The following ITGAE variants were observed in gnomAD, a reference collection of about 807,000 sequenced individuals.
ITGAE encodes the protein integrin alpha-E.
A neutral mutation model predicts 136.5 loss-of-function variants in ITGAE; 99 were observed. The ratio of observed to expected loss-of-function variants is 0.73; its 90% CI spans 0.62 to 0.86. The LOEUF (loss-of-function observed/expected upper bound fraction) is 0.86. Ranked by LOEUF, ITGAE falls within the 40% of genes least tolerant of loss-of-function variation. The pLI, the probability that ITGAE is intolerant of heterozygous loss-of-function variation, is 0.00. For synonymous variants in ITGAE, 613 were observed against 591.8 expected (o/e 1.04, Z -0.52); for missense variants, 1,447 against 1,515.3 (o/e 0.95, Z 0.75).
chr17:3,734,708 G>A (rs2051422590), intron 21 of ITGAE, 109 bp downstream of exon 21: 2 of 1,346,472 alleles, frequency 1.5e-6, no homozygotes, highest in African/African-American at 1.4e-5. Context: ...GGTTGGACCA[G>A]GAGGAGGCTG....
rs368373828 is a variant in ITGAE at position 3,729,040 on chromosome 17, TA to T, written c.2912+437del. ...GACAGAGTGAGACTTCGTCTCAGTT[TA>T]AAAAAAAAAAAAAAAGGAATAAAAG... On this transcript the variant is annotated intron_variant, in intron 24 of 30. Coordinates refer to ENST00000263087, the MANE Select transcript of ITGAE (RefSeq NM_002208.5). Among the ~76,000 whole-genome samples the T allele has an allele frequency of 3.4e-3, 487 of 141,976 alleles. 1 individual carries two copies. The highest frequency in any genetic ancestry group is 3.7e-3 in the Non-Finnish European group (238 of 64,546). The allele number at this position is 141,976 out of a possible 152,430, so 93.1% of individuals were successfully genotyped here. A position where few individuals can be genotyped will look rare whatever the true frequency, so the allele number is the denominator to read the frequency against.
At chr17:3,772,650 G>C (rs1182271661) in intron 2 of ITGAE, among the ~76,000 whole-genome samples, 1 of 151,966 alleles carries the variant, frequency 6.6e-6, no homozygotes, top group African/African-American at 2.4e-5. Flanking sequence ...TTTTAGTAGG[G>C]ACAAGGCTTC....
chr17:3,714,931 A>G lies in ITGAE; in HGVS notation c.3456T>C (p.Phe1152=). 1 of 1,600,586 alleles carries G rather than the reference A, an allele frequency of 6.2e-7. No homozygotes were observed. Among genetic ancestry groups the G allele is most frequent in the Non-Finnish European group, 8.5e-7 (1 of 1,172,420 alleles). ...AGTTCAGTTGTTGATATTTTCTTTT[A>G]AAAAAGCCACACTGAAACAAAGGAA... ...ILVILFKCGF[F]KRKYQQLNLE... is the part of the protein sequence containing the mutation. Residue 1152 remains phenylalanine, a synonymous_variant, in exon 31 of 31, where the codon TTT becomes TTC. Transcript: ENST00000263087.
chr17:3,747,275 A>G (rs1419634023), intron 17 of ITGAE, among the ~76,000 whole-genome samples: 1 of 151,996 alleles, frequency 6.6e-6, no homozygotes, highest in Non-Finnish European at 1.5e-5. Flanking sequence ...GCCCCCGCAC[A>G]CACGCACACA....
intron 24 of ITGAE, 38 bp downstream of exon 24, chr17:3,729,439 AT>A (rs778197189): frequency 7.6e-7 from 1 of 1,308,530 alleles, no homozygotes; most frequent in Non-Finnish European, 1.1e-6. Flanking sequence ...CCCCTGGGCG[AT>A]GGAGTCACAC....
intron 21 of ITGAE, among the ~76,000 whole-genome samples, chr17:3,733,340 T>C (rs1193074586): frequency 6.6e-6 from 1 of 152,168 alleles, no homozygotes; most frequent in African/African-American, 2.4e-5. Context: ...TAGCCTAAGA[T>C]GACCGGGGAC....
At chr17:3,754,927 C>A (rs548117575) in intron 12 of ITGAE, among the ~76,000 whole-genome samples, 190 bp downstream of exon 12, 21 of 125,340 alleles carry the variant, frequency 1.7e-4, no homozygotes, top group Non-Finnish European at 2.6e-4. Flanking sequence ...CCCAGGTAGC[C>A]CCCAGGCCCC....
intron 1 of ITGAE, among the ~76,000 whole-genome samples, chr17:3,786,398 A>T (rs1030688411): frequency 6.6e-6 from 1 of 152,176 alleles, no homozygotes; most frequent in East Asian, 1.9e-4. Flanking sequence ...AAGAGAAATA[A>T]TGCCAAGTTT....
chr17:3,740,010 G>T (rs1402544135), intron 19 of ITGAE, 132 bp from the exon 20 acceptor site: 9 of 712,048 alleles, frequency 1.3e-5, no homozygotes, highest in South Asian at 6.1e-5. Context: ...TTACAGGGAG[G>T]TGAGGGGTGC....
intron 16 of ITGAE, among the ~76,000 whole-genome samples, chr17:3,749,802 G>A: frequency 6.6e-6 from 1 of 152,058 alleles, no homozygotes; most frequent in East Asian, 1.9e-4. Context: ...TGGATCACGA[G>A]GTCAGGAGTT....
chr17:3,770,717 G>A (rs926868234), intron 2 of ITGAE, among the ~76,000 whole-genome samples: 2 of 152,190 alleles, frequency 1.3e-5, no homozygotes, highest in African/African-American at 4.8e-5. Flanking sequence ...GCGTGTTCAA[G>A]CCTGGGAGCC....
chr17:3,743,501 A>C lies in ITGAE; in HGVS notation c.2436T>G (p.Phe812Leu). The change falls in exon 19 of 31, where the codon TTT becomes TTG. Residue 812 changes from phenylalanine (F) to leucine (L), a missense_variant. By Grantham distance (22) the Phe-to-Leu change is conservative. This residue lies in a region of ITGAE where 1,031 missense variants were observed against 1,011.4 expected (regional missense o/e 1.02). Transcript: ENST00000263087. ...TGGGTAGAGTCACCTGGAAGATGGC[A>C]AAGGGCTCAGTGTAGCGGTCCAGGA... ...QPILDRYTEP[F>L]AIFQLPYEKA... 1 of 1,596,818 alleles carries C rather than the reference A, an allele frequency of 6.3e-7. No homozygotes were observed. Among genetic ancestry groups the C allele is most frequent in the Non-Finnish European group, 8.5e-7 (1 of 1,173,762 alleles).
At chr17:3,740,226 G>A (rs2143014152) in intron 19 of ITGAE, among the ~76,000 whole-genome samples, 1 of 152,330 alleles carries the variant, frequency 6.6e-6, no homozygotes, top group South Asian at 2.1e-4. Context: ...GAGCATTCAG[G>A]GAGCAGACAC....
At chr17:3,772,398 C>CTGAA (rs34814711) in intron 2 of ITGAE, among the ~76,000 whole-genome samples, 13,760 of 151,016 alleles carry the variant, frequency 0.091, 648 homozygotes, top group East Asian at 0.17. Flanking sequence ...TCCATACTTG[C>CTGAA]TGAATGAATG....
rs909090714 is a variant in ITGAE, at chr17:3,739,955, T to C, written c.2449-77A>G. ...GCCCTGCCTCCGGCTCTTCTCCTTA[T>C]AGGAAGTTTTGGGCTGTGCCTCCTG... On this transcript the variant is annotated intron_variant, in intron 19 of 30. Transcript: ENST00000263087. The C allele has an allele frequency of 4.1e-6, 5 of 1,228,986 alleles. No homozygotes were observed. The African/African-American group carries it at 4.5e-5, about 11-fold the overall frequency. The allele number at this position is 1,228,986 out of a possible 1,614,324, so 76.1% of individuals were successfully genotyped here.
intron 2 of ITGAE, among the ~76,000 whole-genome samples, chr17:3,771,438 C>T (rs923476094): frequency 2.0e-5 from 3 of 151,994 alleles, no homozygotes; most frequent in African/African-American, 4.8e-5. Context: ...GCCTAGGCGC[C>T]GCAGCTCACG....
At chr17:3,741,950 G>A (rs1343074622) in intron 19 of ITGAE, among the ~76,000 whole-genome samples, 1 of 152,140 alleles carries the variant, frequency 6.6e-6, no homozygotes, top group African/African-American at 2.4e-5. Flanking sequence ...GGTGATACAT[G>A]CCTGTAATCC....
At chr17:3,786,610 G>A (rs540091402) in intron 1 of ITGAE, among the ~76,000 whole-genome samples, 10 of 152,000 alleles carry the variant, frequency 6.6e-5, no homozygotes, top group Admixed American at 1.3e-4. Context: ...AGCATAATAC[G>A]GCCGGGTGCA....
intron 26 of ITGAE, among the ~76,000 whole-genome samples, chr17:3,727,326 C>T (rs1187727172): frequency 1.3e-5 from 2 of 151,910 alleles, no homozygotes; most frequent in East Asian, 1.9e-4. Flanking sequence ...CATGTTACAT[C>T]GCTCACACAG....
Sources: allele counts gnomAD v4.1 joint callset (sites outside exome capture counted in the v4.1 genomes callset), GRCh38; gene constraint gnomAD v4.1.1; regional missense constraint gnomAD v4.1.1; transcripts MANE v1.5; gene names NCBI Gene and HGNC (gene_info 2026-07-23, HGNC 2026-07-21).